FAM220A: variants seen among roughly 807,000 people sequenced by gnomAD.
The protein encoded by FAM220A is family with sequence similarity 220 member A.
For synonymous variants in FAM220A, 141 were observed against 130.7 expected (o/e 1.08, Z -0.54); for missense variants, 392 against 321.6 (o/e 1.22, Z -1.68).
At chr7:6,333,295 C>T (rs577014244) in intron 1 of FAM220A, among the ~76,000 whole-genome samples, 3 of 152,050 alleles carry the variant, frequency 2.0e-5, no homozygotes, top group East Asian at 3.9e-4. Flanking sequence ...CACAGGGAGC[C>T]GGTGATTGGA....
chr7:6,347,430 C>A (rs931740177), intron 1 of FAM220A, among the ~76,000 whole-genome samples: 1 of 151,808 alleles, frequency 6.6e-6, no homozygotes, highest in African/African-American at 2.4e-5. Context: ...TCAGGAGAAT[C>A]GCTTGAACTC....
intron 1 of FAM220A, among the ~76,000 whole-genome samples, chr7:6,338,256 T>A (rs553390080): frequency 1.3e-5 from 2 of 152,160 alleles, no homozygotes; most frequent in Non-Finnish European, 2.9e-5. Context: ...CATTTATGAG[T>A]TTTTTCATAG....
At chr7:6,345,332 C>A (rs1355778897) in intron 1 of FAM220A, among the ~76,000 whole-genome samples, 2 of 151,624 alleles carry the variant, frequency 1.3e-5, no homozygotes, top group African/African-American at 4.8e-5. Flanking sequence ...CCAGGCTGGT[C>A]TGGAACTCCT....
intron 1 of FAM220A, among the ~76,000 whole-genome samples, chr7:6,343,996 C>A (rs2115148443): frequency 6.6e-6 from 1 of 152,190 alleles, no homozygotes; most frequent in Admixed American, 6.6e-5. Flanking sequence ...GGTGATCCTC[C>A]CACCTCAGCC....
intron 1 of FAM220A, among the ~76,000 whole-genome samples, chr7:6,336,408 C>T (rs10250547): frequency 0.25 from 37,727 of 151,796 alleles, 4,912 homozygotes; most frequent in East Asian, 0.39. Flanking sequence ...AGGCCAGGCA[C>T]GGTGGCTCAT....
intron 1 of FAM220A, among the ~76,000 whole-genome samples, chr7:6,344,118 A>G (rs1395242409): frequency 6.6e-6 from 1 of 151,528 alleles, no homozygotes; most frequent in African/African-American, 2.4e-5. Context: ...CCTGGCCTCA[A>G]GCGAGGGTAA....
chr7:6,333,898 G>T (rs367703279), intron 1 of FAM220A, among the ~76,000 whole-genome samples: 2 of 141,300 alleles, frequency 1.4e-5, no homozygotes, highest in Non-Finnish European at 3.0e-5. Flanking sequence ...CCAGGCTGGA[G>T]TGCAGTGGCG....
chr7:6,341,595 C>T (rs917462312), intron 1 of FAM220A, among the ~76,000 whole-genome samples: 2 of 148,430 alleles, frequency 1.3e-5, no homozygotes, highest in Non-Finnish European at 3.0e-5. Context: ...GAGGCTGAGG[C>T]AGGGGAATGG....
chr7:6,334,536 C>T (rs1221248886), intron 1 of FAM220A, among the ~76,000 whole-genome samples: 1 of 152,058 alleles, frequency 6.6e-6, no homozygotes. Flanking sequence ...GGCAGGATCA[C>T]AGCTTACTGC....
Position 6,331,117 on chromosome 7 carries a change from G to A in FAM220A, c.38C>T (p.Ala13Val). Residue 13 changes from alanine (A) to valine (V), a missense_variant, in exon 2 of 2, where the codon GCA becomes GTA. By Grantham distance (64) the Ala-to-Val change is moderately conservative. Coordinates refer to ENST00000313324, the MANE Select transcript of FAM220A (RefSeq NM_001037163.2). ...ACCTCCTCCGGCCTGCTGCACTTGTGCCAGGCAGGTGCCGAGGGGCCCTCT... is the reference window on the plus strand; with the variant it reads ...ACCTCCTCCGGCCTGCTGCACTTGTACCAGGCAGGTGCCGAGGGGCCCTCT... ...DRRGPLGTCL[A>V]QVQQAGGGDS... The A allele has an allele frequency of 6.2e-7, 1 of 1,613,266 alleles. No homozygotes were observed. The highest frequency in any genetic ancestry group is 2.2e-5 in the East Asian group (1 of 44,886).
chr7:6,333,535 G>A (rs947271270), intron 1 of FAM220A, among the ~76,000 whole-genome samples: 5 of 152,074 alleles, frequency 3.3e-5, no homozygotes, highest in Admixed American at 6.6e-5. Context: ...GTCTCACTCT[G>A]CCTCCCAGGC....
rs765579035 is a variant in FAM220A, at chr7:6,330,637, C to G, written c.518G>C (p.Ser173Thr). Residue 173 changes from serine (S) to threonine (T), a missense_variant, in exon 2 of 2, where the codon AGT becomes ACT. By Grantham distance (58) the Ser-to-Thr change is moderately conservative (BLOSUM62 1). Coordinates refer to ENST00000313324, the MANE Select transcript of FAM220A (RefSeq NM_001037163.2). ...AGAGCCCAGACCCTTGGGAAAAGCA[C>G]TTGGTGGGTCATCCTGAAAACTTCC... ...EMGSFQDDPP[S>T]AFPKGLGSEL... 42 of 1,614,024 alleles carry G rather than the reference C, an allele frequency of 2.6e-5. No individual in the cohort carries two copies. Among genetic ancestry groups the G allele is most frequent in the Non-Finnish European group, 3.3e-5 (39 of 1,180,036 alleles).
chr7:6,345,489 G>A (rs891923474), intron 1 of FAM220A, among the ~76,000 whole-genome samples: 10 of 152,088 alleles, frequency 6.6e-5, no homozygotes, highest in African/African-American at 1.9e-4. Flanking sequence ...TAGTCCAGGC[G>A]AGTGGATACA....
rs1011168659 is a variant in FAM220A at position 6,348,819 on chromosome 7, A to G, written c.-328T>C. On this transcript the variant is annotated 5_prime_UTR_variant, in exon 1 of 2. Coordinates refer to ENST00000313324, the MANE Select transcript of FAM220A (RefSeq NM_001037163.2). ...CCTCTCCGCGCCGCGTCGCCCCGGC[A>G]GCTGACCCTCGCCTGGCGTGCTCAG... 1 of 394,810 alleles carries G rather than the reference A, an allele frequency of 2.5e-6. No homozygotes were observed. Among genetic ancestry groups the G allele is most frequent in the East Asian group, 3.6e-5 (1 of 27,844 alleles). The allele number at this position is 394,810 out of a possible 1,614,324, so 24.5% of individuals were successfully genotyped here.
chr7:6,337,552 G>T (rs1204632853), intron 1 of FAM220A, among the ~76,000 whole-genome samples: 1 of 151,690 alleles, frequency 6.6e-6, no homozygotes, highest in Admixed American at 6.6e-5. Context: ...AACATTTCTA[G>T]AATTGTGTTA....
chr7:6,333,472 A>AG (rs1368190966), intron 1 of FAM220A, among the ~76,000 whole-genome samples: 4 of 152,168 alleles, frequency 2.6e-5, no homozygotes, highest in African/African-American at 9.7e-5. Flanking sequence ...TGTGATCATA[A>AG]GGAGGGACAG....
chr7:6,342,611 A>G (rs180966843), intron 1 of FAM220A, among the ~76,000 whole-genome samples: 26 of 152,224 alleles, frequency 1.7e-4, no homozygotes, highest in Admixed American at 2.6e-4. Context: ...CTAAGTATAC[A>G]CCCAAGAGAA....
At chr7:6,344,680 A>C (rs752295039) in intron 1 of FAM220A, among the ~76,000 whole-genome samples, 48 of 151,936 alleles carry the variant, frequency 3.2e-4, no homozygotes, top group Non-Finnish European at 6.8e-4. Context: ...TGGACTCCCA[A>C]AGTGCTGGGA....
At chr7:6,341,670 AC>A (rs1307087427) in intron 1 of FAM220A, among the ~76,000 whole-genome samples, 3 of 150,288 alleles carry the variant, frequency 2.0e-5, no homozygotes, top group Admixed American at 6.7e-5. Flanking sequence ...AGCCTGGGCC[AC>A]AGAGCAAGAC....
Sources: allele counts gnomAD v4.1 joint callset (sites outside exome capture counted in the v4.1 genomes callset), GRCh38; gene constraint gnomAD v4.1.1; transcripts MANE v1.5; gene names NCBI Gene and HGNC (gene_info 2026-07-23, HGNC 2026-07-21).